The following CDH2 variants were observed in gnomAD, a reference collection of about 807,000 sequenced individuals.
CDH2 encodes cadherin 2, also known as cadherin-2.
In CDH2, 17 loss-of-function variants were observed where a neutral mutation model predicts 92.0. That is an observed-to-expected ratio of 0.18 (90% CI 0.13 to 0.28). CDH2 has a LOEUF of 0.28. CDH2 is among the 10% of genes least tolerant of loss of function. The pLI is 1.00. For synonymous variants in CDH2, 419 were observed against 415.9 expected, an observed-to-expected ratio of 1.01 and a Z score of -0.09; for missense variants, 862 against 1,133.1, an observed-to-expected ratio of 0.76 and a Z score of 3.44.
At chr18:28,133,991 T>C (rs1302360483) in intron 2 of CDH2, among the ~76,000 whole-genome samples, 2 of 151,926 alleles carry the variant, frequency 1.3e-5, no homozygotes, top group African/African-American at 4.8e-5. Flanking sequence ...AGACCTCATC[T>C]CTAAAACAAA....
At chr18:28,153,761 T>C (rs184275513) in intron 1 of CDH2, among the ~76,000 whole-genome samples, 1 of 152,336 alleles carries the variant, frequency 6.6e-6, no homozygotes, top group East Asian at 1.9e-4. Flanking sequence ...TGAGTTAATA[T>C]GTGTAAAGCA....
At chr18:28,018,903 AT>A (rs2144051193) in intron 2 of CDH2, among the ~76,000 whole-genome samples, 1 of 149,962 alleles carries the variant, frequency 6.7e-6, no homozygotes, top group Admixed American at 6.7e-5. Flanking sequence ...GTACATATAT[AT>A]GTGTGTGTAT....
intron 13 of CDH2, among the ~76,000 whole-genome samples, chr18:27,984,759 G>T (rs1456793537): frequency 6.6e-6 from 1 of 152,162 alleles, no homozygotes; most frequent in African/African-American, 2.4e-5. Flanking sequence ...ATGAGAAAGG[G>T]TAAGAGGGCA....
chr18:27,985,117 C>G lies in CDH2; in HGVS notation c.2092G>C (p.Val698Leu), dbSNP rs767117514. 3.1e-6 allele frequency: 5 copies of G among 1,613,908 alleles called. No individual in the cohort carries two copies. The South Asian group carries it at 4.4e-5, about 14-fold the overall frequency. Residue 698 changes from valine to leucine, a missense_variant, in exon 13 of 16, where the codon GTG (valine) becomes CTG (leucine). By Grantham distance (32) the Val-to-Leu change is conservative. Coordinates refer to ENST00000269141, the MANE Select transcript of CDH2 (RefSeq NM_001792.5). ...TTGGAGTCACACTGGCAAACCTTCA[C>G]ACGCAGGATGGAAATATTTGATTTG... ...PPKSNISILR[V>L]KVCQCDSNGD...
chr18:28,015,706 T>C (rs1190519147), intron 2 of CDH2, among the ~76,000 whole-genome samples: 1 of 152,192 alleles, frequency 6.6e-6, no homozygotes, highest in Non-Finnish European at 1.5e-5. Context: ...TTATTAATTG[T>C]CATCCATAAA....
chr18:28,112,875 T>C (rs1459147973), intron 2 of CDH2, among the ~76,000 whole-genome samples: 3 of 152,184 alleles, frequency 2.0e-5, no homozygotes, highest in East Asian at 3.9e-4. Flanking sequence ...CTAATTCTCT[T>C]ACTGAAGAAA....
chr18:28,082,234 CTT>C (rs2014845213), intron 2 of CDH2, among the ~76,000 whole-genome samples: 1 of 148,624 alleles, frequency 6.7e-6, no homozygotes, highest in South Asian at 2.2e-4. Context: ...TATGGAGACT[CTT>C]GTCTCTAAAA....
chr18:28,014,048 T>C, intron 2 of CDH2, 139 bp from the exon 3 acceptor site: 1 of 631,634 alleles, frequency 1.6e-6, no homozygotes, highest in African/African-American at 1.8e-5. Flanking sequence ...TTTATTTTTA[T>C]TTTATTATAT....
intron 14 of CDH2, among the ~76,000 whole-genome samples, chr18:27,966,780 C>T (rs2011543455): frequency 1.3e-5 from 2 of 152,102 alleles, no homozygotes; most frequent in African/African-American, 2.4e-5. Flanking sequence ...CTTTTTCCTA[C>T]TATCTTAAGA....
At chr18:28,042,107 C>G (rs2013958653) in intron 2 of CDH2, among the ~76,000 whole-genome samples, 2 of 152,030 alleles carry the variant, frequency 1.3e-5, no homozygotes, top group Non-Finnish European at 2.9e-5. Context: ...TTCATTTACA[C>G]TATGTATTTT....
At chr18:27,985,806 C>T (rs1248107722) in intron 11 of CDH2, 45 bp from the exon 12 acceptor site, 1 of 1,066,702 alleles carries the variant, frequency 9.4e-7, no homozygotes, top group Admixed American at 2.0e-5. Context: ...CAGTTCTCTC[C>T]AATGAGCCTC....
chr18:28,116,449 T>C (rs1483790125), intron 2 of CDH2, among the ~76,000 whole-genome samples: 1 of 152,208 alleles, frequency 6.6e-6, no homozygotes. Flanking sequence ...GAGTGTCCTT[T>C]TATAAACTAT....
chr18:27,999,289 G>A (rs1286652790), intron 7 of CDH2, among the ~76,000 whole-genome samples: 2 of 152,114 alleles, frequency 1.3e-5, no homozygotes, highest in African/African-American at 4.8e-5. Context: ...AGGTCACAGA[G>A]GGTCTGGAAT....
At chr18:28,175,587 A>G (rs949799196) in intron 1 of CDH2, among the ~76,000 whole-genome samples, 8 of 152,124 alleles carry the variant, frequency 5.3e-5, no homozygotes, top group Non-Finnish European at 8.8e-5. Context: ...TGCGGAGGCC[A>G]GCCCCGTCCA....
chr18:28,174,846 C>T (rs2016513647), intron 1 of CDH2, among the ~76,000 whole-genome samples: 2 of 152,070 alleles, frequency 1.3e-5, no homozygotes, highest in Non-Finnish European at 2.9e-5. Context: ...TGAAAATAAC[C>T]ATCTGCTGCT....
chr18:28,101,156 C>T (rs1433775575), intron 2 of CDH2, among the ~76,000 whole-genome samples: 2 of 152,136 alleles, frequency 1.3e-5, no homozygotes, highest in African/African-American at 4.8e-5. Flanking sequence ...CTGCTAATGA[C>T]TAGAATTGAT....
chr18:28,036,340 C>T, intron 2 of CDH2: 1 of 648,916 alleles, frequency 1.5e-6, no homozygotes, highest in Non-Finnish European at 2.7e-6. Context: ...CAGAAATTCA[C>T]ATAAGCATTA....
At chr18:27,942,141 A>G (rs915509094) in intron 6 of CDH2, among the ~76,000 whole-genome samples, 2 of 152,226 alleles carry the variant, frequency 1.3e-5, no homozygotes, top group Non-Finnish European at 2.9e-5. Context: ...ATAAGTGTGT[A>G]TACTGGAAGG....
intron 2 of CDH2, among the ~76,000 whole-genome samples, chr18:28,061,694 A>C (rs2014405186): frequency 6.6e-6 from 1 of 152,190 alleles, no homozygotes; most frequent in South Asian, 2.1e-4. Flanking sequence ...AAAATTGGAT[A>C]ATGTCTAAAG....
Sources: allele counts gnomAD v4.1 joint callset (sites outside exome capture counted in the v4.1 genomes callset), GRCh38; gene constraint gnomAD v4.1.1; transcripts MANE v1.5; gene names NCBI Gene and HGNC (gene_info 2026-07-23, HGNC 2026-07-21).